ACACA: variants seen among roughly 807,000 people sequenced by gnomAD.
The protein encoded by ACACA is acetyl-CoA carboxylase 1.
Under a neutral mutation model 296.1 loss-of-function variants are expected in ACACA, and 103 were observed. That is an observed-to-expected ratio of 0.35 (90% confidence interval 0.30 to 0.41). The LOEUF (loss-of-function observed/expected upper bound fraction) is 0.41, where lower values mean the gene tolerates loss of function less well. Among genes scored for constraint, ACACA ranks in the 10% least tolerant of loss-of-function variants. ACACA has a pLI of 1.00. For synonymous variants in ACACA, 953 were observed against 1,038.6 expected, an observed-to-expected ratio of 0.92 and a Z score of 1.58; for missense variants, 1,554 against 2,989.7, an observed-to-expected ratio of 0.52 and a Z score of 11.20.
chr17:37,270,503 G>A (rs1350037093), intron 10 of ACACA, among the ~76,000 whole-genome samples: 10 of 152,138 alleles, frequency 6.6e-5, no homozygotes, highest in Non-Finnish European at 1.5e-5. Context: ...AACTGAGCAC[G>A]TTTATATAAG....
Position 37,115,901 on chromosome 17 carries a change from C to G in ACACA, c.6275-2636G>C, listed in dbSNP as rs58426040. Among the ~76,000 whole-genome samples, 171 of 152,062 alleles carry G rather than the reference C, an allele frequency of 1.1e-3. 1 individual carries two copies. Among genetic ancestry groups the G allele is most frequent in the African/African-American group, 4.1e-3 (168 of 41,462 alleles). On this transcript the variant is annotated intron_variant, in intron 50 of 55. Transcript: ENST00000616317. ...CAAGTTGCAGGTGAGTAAACTGAGGCTTAAATAAGAGTGAGTGGTGGAGAT... is the reference window on the plus strand; with the variant it reads ...CAAGTTGCAGGTGAGTAAACTGAGGGTTAAATAAGAGTGAGTGGTGGAGAT...
intron 39 of ACACA, among the ~76,000 whole-genome samples, chr17:37,187,039 C>T (rs2077564527): frequency 6.6e-6 from 1 of 152,114 alleles, no homozygotes; most frequent in African/African-American, 2.4e-5. Flanking sequence ...CATCCCTACC[C>T]ATTGAAAGCT....
At chr17:37,321,531 T>C (rs957362617) in intron 3 of ACACA, among the ~76,000 whole-genome samples, 12 of 151,680 alleles carry the variant, frequency 7.9e-5, no homozygotes. Flanking sequence ...GGGCGGATCA[T>C]GAGGTCAGGA....
chr17:37,275,685 C>T (rs1045340406), intron 8 of ACACA, among the ~76,000 whole-genome samples: 1 of 151,966 alleles, frequency 6.6e-6, no homozygotes, highest in Non-Finnish European at 1.5e-5. Flanking sequence ...CCCACAAAAC[C>T]ATATACATGT....
intron 3 of ACACA, among the ~76,000 whole-genome samples, chr17:37,314,415 T>C (rs2046987840): frequency 6.6e-6 from 1 of 152,088 alleles, no homozygotes; most frequent in African/African-American, 2.4e-5. Context: ...CTATATATTC[T>C]TGTGCAAGTA....
chr17:37,399,212 C>T (rs1019898388), intron 1 of ACACA, among the ~76,000 whole-genome samples: 5 of 151,522 alleles, frequency 3.3e-5, no homozygotes, highest in African/African-American at 9.7e-5. Flanking sequence ...AACTCCTGAT[C>T]TCAAGTGATC....
At chr17:37,214,777 G>C (rs759291963) in intron 29 of ACACA, among the ~76,000 whole-genome samples, 1 of 152,198 alleles carries the variant, frequency 6.6e-6, no homozygotes, top group Non-Finnish European at 1.5e-5. Context: ...AGACTACCCT[G>C]AATGAAGGAA....
At chr17:37,384,318 A>G (rs2050433635) in intron 1 of ACACA, among the ~76,000 whole-genome samples, 1 of 152,228 alleles carries the variant, frequency 6.6e-6, no homozygotes, top group African/African-American at 2.4e-5. Flanking sequence ...AATGGAGACT[A>G]TTTGTTATTA....
At chr17:37,129,169 T>A (rs2074968972) in intron 47 of ACACA, among the ~76,000 whole-genome samples, 196 bp downstream of exon 47, 2 of 152,188 alleles carry the variant, frequency 1.3e-5, no homozygotes, top group Admixed American at 6.5e-5. Context: ...AAATGTCATT[T>A]TATTTATTTT....
chr17:37,322,880 C>T (rs538024236), intron 3 of ACACA, among the ~76,000 whole-genome samples: 41 of 152,334 alleles, frequency 2.7e-4, no homozygotes, highest in African/African-American at 8.2e-4. Context: ...CCATCCATGT[C>T]GCTGAGAGCC....
intron 41 of ACACA, among the ~76,000 whole-genome samples, chr17:37,174,975 C>T (rs2077055361): frequency 6.6e-6 from 1 of 152,226 alleles, no homozygotes; most frequent in East Asian, 1.9e-4. Context: ...ATCGCAACAT[C>T]GTCTTCTCAT....
intron 1 of ACACA, among the ~76,000 whole-genome samples, chr17:37,351,033 G>A (rs1046280789): frequency 1.4e-4 from 22 of 152,266 alleles, no homozygotes; most frequent in African/African-American, 5.1e-4. Flanking sequence ...CCAGCTACTC[G>A]GGAACCTGAG....
chr17:37,282,099 G>A (rs1328684136), intron 5 of ACACA, among the ~76,000 whole-genome samples: 1 of 152,170 alleles, frequency 6.6e-6, no homozygotes, highest in African/African-American at 2.4e-5. Flanking sequence ...CTCGGAAATG[G>A]GGCCTGGTAG....
At chr17:37,215,796 C>A (rs1415074351) in intron 29 of ACACA, among the ~76,000 whole-genome samples, 3 of 151,822 alleles carry the variant, frequency 2.0e-5, no homozygotes, top group Non-Finnish European at 4.4e-5. Flanking sequence ...GGGCTCTAAA[C>A]CCTAAGACTC....
At chr17:37,353,271 C>G (rs2147502760) in intron 1 of ACACA, among the ~76,000 whole-genome samples, 1 of 152,232 alleles carries the variant, frequency 6.6e-6, no homozygotes, top group Admixed American at 6.6e-5. Context: ...AAGCTCCTAT[C>G]AACCTACTAT....
chr17:37,191,240 C>T lies in ACACA; in HGVS notation c.4452G>A (p.Glu1484=), dbSNP rs769293909. 5.6e-6 allele frequency: 9 copies of T among 1,614,040 alleles called. No individual in the cohort carries two copies. In the East Asian group the frequency reaches 1.6e-4, roughly 28 times the overall value. ...CATCCATGGCTTCCAGGAGTAGCCG[C>T]TCCCCTTCATTTTGCAGATATTCAA... The part of the protein sequence containing the change: ...ASFEYLQNEG[E]RLLLEAMDEL... The change falls in exon 38 of 56, where the codon GAG becomes GAA. Residue 1484 remains glutamate (E), a synonymous_variant. Transcript: ENST00000616317.
At chr17:37,364,741 T>A (rs1458968628) in intron 1 of ACACA, among the ~76,000 whole-genome samples, 1 of 152,202 alleles carries the variant, frequency 6.6e-6, no homozygotes, top group African/African-American at 2.4e-5. Context: ...GGGATATTAT[T>A]TCCTGCTGAC....
In ACACA at chr17:37,205,813, A is replaced by G; in HGVS notation, c.4008T>C (p.Ile1336=). 1.2e-6 allele frequency: 2 copies of G among 1,613,752 alleles called. No individual in the cohort carries two copies. Among genetic ancestry groups the G allele is most frequent in the African/African-American group, 2.7e-5 (2 of 75,038 alleles). ...LNVAIKTDCD[I]EDDRLAAMFR... Reference sequence around the variant, plus strand: ...ACATAGCTGCCAGCCTGTCATCCTCAATATCACAGTCAGTCTTGATAGCCA... The same window carrying G: ...ACATAGCTGCCAGCCTGTCATCCTCGATATCACAGTCAGTCTTGATAGCCA... The change falls in exon 33 of 56, where the codon ATT becomes ATC. Residue 1336 remains isoleucine, a synonymous_variant. Coordinates refer to ENST00000616317, the MANE Select transcript of ACACA (RefSeq NM_198834.3).
At chr17:37,245,537 T>C (rs2080652979) in intron 19 of ACACA, among the ~76,000 whole-genome samples, 1 of 152,210 alleles carries the variant, frequency 6.6e-6, no homozygotes, top group Admixed American at 6.5e-5. Flanking sequence ...GTGAATCCAA[T>C]CTAAGACAAC....
Sources: gnomAD v4.1 joint callset for allele counts (sites outside exome capture counted in the v4.1 genomes callset) on GRCh38, gnomAD v4.1.1 for gene constraint, MANE v1.5 for transcripts, NCBI Gene and HGNC (gene_info 2026-07-23, HGNC 2026-07-21) for gene names.